The following SLC35F1 variants were observed in gnomAD, a reference collection of about 807,000 sequenced individuals.
SLC35F1 encodes the protein solute carrier family 35 member F1.
Under a neutral mutation model 48.7 loss-of-function variants are expected in SLC35F1, and 14 were observed. The ratio of observed to expected loss-of-function variants is 0.29; its 90% CI spans 0.19 to 0.45. The LOEUF is 0.45. Among genes scored for constraint, SLC35F1 ranks in the 20% least tolerant of loss-of-function variants. SLC35F1 has a pLI of 1.00. For missense variants in SLC35F1, 404 were observed against 500.0 expected (o/e 0.81, Z 1.83); for synonymous variants, 190 against 202.2 (o/e 0.94, Z 0.51).
At position 118,154,625 on chromosome 6, in the gene SLC35F1, G is replaced by A; in HGVS notation, c.349+5G>A. 3 of 1,599,588 alleles carry A rather than the reference G, an allele frequency of 1.9e-6. No homozygotes were observed. Among genetic ancestry groups the A allele is most frequent in the Non-Finnish European group, 2.6e-6 (3 of 1,172,618 alleles). ...CCACACTAGCCGTCAGACAAGGTAA[G>A]CTCACAAAAGCACCAGGAATATAAC... On this transcript the variant is annotated splice_donor_5th_base_variant and intron_variant, in intron 2 of 7. Transcript: ENST00000360388.
At chr6:118,017,818 G>T (rs1381363070) in intron 1 of SLC35F1, among the ~76,000 whole-genome samples, 2 of 152,124 alleles carry the variant, frequency 1.3e-5, no homozygotes, top group Non-Finnish European at 2.9e-5. Context: ...GTTGATATAA[G>T]ATCAAATTTT....
intron 2 of SLC35F1, among the ~76,000 whole-genome samples, chr6:118,185,717 A>C (rs1226819304): frequency 6.6e-6 from 1 of 152,130 alleles, no homozygotes; most frequent in Non-Finnish European, 1.5e-5. Context: ...CCACCTAGAC[A>C]AGGCCAGTAC....
chr6:117,921,401 A>T (rs1775897155), intron 1 of SLC35F1, among the ~76,000 whole-genome samples: 2 of 152,256 alleles, frequency 1.3e-5, no homozygotes, highest in Admixed American at 1.3e-4. Context: ...ATAACACTTC[A>T]GTTCCAGGTG....
At chr6:118,151,840 T>C (rs950518164) in intron 1 of SLC35F1, among the ~76,000 whole-genome samples, 1 of 152,184 alleles carries the variant, frequency 6.6e-6, no homozygotes, top group Non-Finnish European at 1.5e-5. Flanking sequence ...GAGTTAATTC[T>C]GGTACTCCTT....
At position 118,243,531 on chromosome 6, in the gene SLC35F1, C is replaced by T. The variant is rs1416692219; in HGVS notation, c.477+7895C>T. On this transcript the variant is annotated intron_variant, in intron 3 of 7. Coordinates refer to ENST00000360388, the MANE Select transcript of SLC35F1 (RefSeq NM_001029858.4). ...CCTGCTATGAGGCAACCGACAGCTA[C>T]GTTAACACTTAGAATACAATACAGT... 2.0e-5 allele frequency among the ~76,000 whole-genome samples: 3 copies of T among 152,148 alleles called. No individual in the cohort carries two copies. In the East Asian group the frequency reaches 5.8e-4, roughly 29 times the overall value.
At chr6:118,184,218 C>T (rs1051536627) in intron 2 of SLC35F1, among the ~76,000 whole-genome samples, 1 of 152,146 alleles carries the variant, frequency 6.6e-6, no homozygotes, top group Non-Finnish European at 1.5e-5. Flanking sequence ...TCCTGGTTGG[C>T]CTACAACAAT....
intron 1 of SLC35F1, among the ~76,000 whole-genome samples, chr6:117,917,098 G>T (rs896381462): frequency 6.6e-6 from 1 of 152,112 alleles, no homozygotes; most frequent in East Asian, 1.9e-4. Flanking sequence ...GGCTGGTCAG[G>T]CCTCTCTCTC....
intron 1 of SLC35F1, among the ~76,000 whole-genome samples, chr6:118,020,861 T>G (rs1470564224): frequency 6.6e-6 from 1 of 152,128 alleles, no homozygotes; most frequent in African/African-American, 2.4e-5. Flanking sequence ...ACTGAGCACT[T>G]TGTAGTTATC....
intron 1 of SLC35F1, among the ~76,000 whole-genome samples, chr6:118,012,359 A>G (rs1280916981): frequency 6.6e-6 from 1 of 152,060 alleles, no homozygotes; most frequent in Admixed American, 6.6e-5. Flanking sequence ...AAATGGAAGA[A>G]AAAGACCCTC....
intron 1 of SLC35F1, among the ~76,000 whole-genome samples, chr6:117,978,439 C>A (rs1776731950): frequency 6.6e-6 from 1 of 152,098 alleles, no homozygotes; most frequent in Non-Finnish European, 1.5e-5. Flanking sequence ...TTTGTGGACA[C>A]CAACACCGTG....
intron 2 of SLC35F1, among the ~76,000 whole-genome samples, chr6:118,176,088 A>T (rs1774484951): frequency 6.6e-6 from 1 of 152,062 alleles, no homozygotes; most frequent in Non-Finnish European, 1.5e-5. Context: ...TCATCCTGAT[A>T]ATGAGCCAAA....
intron 1 of SLC35F1, among the ~76,000 whole-genome samples, chr6:117,927,911 G>A (rs142301293): frequency 6.6e-6 from 1 of 152,264 alleles, no homozygotes; most frequent in African/African-American, 2.4e-5. Flanking sequence ...CTGATGAACT[G>A]ATTCATGGAG....
chr6:118,009,009 T>C (rs529443729), intron 1 of SLC35F1, among the ~76,000 whole-genome samples: 11 of 152,206 alleles, frequency 7.2e-5, no homozygotes, highest in Admixed American at 1.3e-4. Flanking sequence ...CTTAGAAATA[T>C]CTTTTGTGTT....
chr6:118,005,894 G>A (rs1777166747), intron 1 of SLC35F1, among the ~76,000 whole-genome samples: 1 of 152,036 alleles, frequency 6.6e-6, no homozygotes. Context: ...TTCACTTACT[G>A]CTTCTACAAC....
intron 1 of SLC35F1, among the ~76,000 whole-genome samples, chr6:118,069,080 T>C (rs1362273765): frequency 6.6e-6 from 1 of 152,164 alleles, no homozygotes; most frequent in African/African-American, 2.4e-5. Flanking sequence ...AATAAAAAAA[T>C]GATATAAAAT....
chr6:118,241,668 G>A (rs746915397), intron 3 of SLC35F1, among the ~76,000 whole-genome samples: 3 of 151,720 alleles, frequency 2.0e-5, no homozygotes, highest in Non-Finnish European at 2.9e-5. Context: ...CACTACAATC[G>A]GGTACAGAAT....
chr6:117,965,628 C>A (rs1197883003), intron 1 of SLC35F1, among the ~76,000 whole-genome samples: 1 of 152,176 alleles, frequency 6.6e-6, no homozygotes, highest in Non-Finnish European at 1.5e-5. Flanking sequence ...CACCCCACAG[C>A]TGGGGTGGTA....
At chr6:118,241,682 C>A (rs1291904019) in intron 3 of SLC35F1, among the ~76,000 whole-genome samples, 1 of 151,890 alleles carries the variant, frequency 6.6e-6, no homozygotes, top group Non-Finnish European at 1.5e-5. Context: ...ACAGAATTAT[C>A]CCATCACCAC....
At chr6:118,279,182 T>G (rs573014549) in intron 6 of SLC35F1, among the ~76,000 whole-genome samples, 1 of 152,304 alleles carries the variant, frequency 6.6e-6, no homozygotes, top group South Asian at 2.1e-4. Context: ...CACAAAAAAA[T>G]TAATCAATGG....
Sources: allele counts gnomAD v4.1 joint callset (sites outside exome capture counted in the v4.1 genomes callset), GRCh38; gene constraint gnomAD v4.1.1; transcripts MANE v1.5; gene names NCBI Gene and HGNC (gene_info 2026-07-23, HGNC 2026-07-21).